CUX2: variants seen among roughly 807,000 people sequenced by gnomAD.
The protein encoded by CUX2 is homeobox protein cut-like 2.
Under a neutral mutation model 144.8 loss-of-function variants are expected in CUX2, and 40 were observed. The ratio of observed to expected loss-of-function variants is 0.28; its 90% CI spans 0.21 to 0.36. The LOEUF (loss-of-function observed/expected upper bound fraction) is 0.36. CUX2 is among the 10% of genes least tolerant of loss of function. The pLI is 1.00. For missense variants in CUX2, 1,615 were observed against 1,994.0 expected (o/e 0.81, Z 3.62); for synonymous variants, 827 against 875.6 (o/e 0.94, Z 0.98).
chr12:111,306,775 CTT>C, intron 10 of CUX2, 144 bp from the exon 11 acceptor site: 1 of 635,838 alleles, frequency 1.6e-6, no homozygotes, highest in Non-Finnish European at 2.8e-6. Flanking sequence ...GTATACAACA[CTT>C]TGAATTTTTC....
rs55875771 is a variant in CUX2, at chr12:111,232,439, A to G, written c.222+14502A>G. On this transcript the variant is annotated intron_variant, in intron 3 of 21. Transcript: ENST00000261726. ...AGATTGCTTGAGCCCAGGAGTTTGA[A>G]GCTACAGTGAGCTGTGACAACCACT... 7.1e-3 allele frequency among the ~76,000 whole-genome samples: 1,085 copies of G among 152,300 alleles called. 7 individuals carry two copies. Among genetic ancestry groups the G allele is most frequent in the Non-Finnish European group, 0.012 (804 of 68,006 alleles).
chr12:111,263,185 G>A lies in CUX2; in HGVS notation c.223-576G>A, dbSNP rs1884214853. Among the ~76,000 whole-genome samples the A allele has an allele frequency of 6.6e-6, 1 of 152,156 alleles. No homozygotes were observed. Among genetic ancestry groups the A allele is most frequent in the Admixed American group, 6.6e-5 (1 of 15,266 alleles). Reference sequence around the variant, plus strand: ...TCCCATGTTTGCACAAGTAGAAAATGACTAAGGCCAGGTGCGGTGGTGGCC... The same window carrying A: ...TCCCATGTTTGCACAAGTAGAAAATAACTAAGGCCAGGTGCGGTGGTGGCC... On this transcript the variant is annotated intron_variant, in intron 3 of 21. Coordinates refer to ENST00000261726, the MANE Select transcript of CUX2 (RefSeq NM_015267.4). This position sits in a 1 kb window ranked among gnomAD's most constrained non-coding sequence, Gnocchi z 4.0.
At chr12:111,278,550 C>G (rs1884983206) in intron 4 of CUX2, among the ~76,000 whole-genome samples, 2 of 152,176 alleles carry the variant, frequency 1.3e-5, no homozygotes, top group African/African-American at 4.8e-5. Flanking sequence ...CCCTCTCACC[C>G]AGAGCTCTAA....
chr12:111,298,732 C>T, intron 9 of CUX2, 143 bp downstream of exon 9: 1 of 954,212 alleles, frequency 1.0e-6, no homozygotes, highest in Non-Finnish European at 1.6e-6. Flanking sequence ...GTGAGGGAGC[C>T]AGGAGGAGTC....
At chr12:111,209,392 TA>T (rs1289533257) in intron 1 of CUX2, among the ~76,000 whole-genome samples, 1 of 151,846 alleles carries the variant, frequency 6.6e-6, no homozygotes, top group East Asian at 1.9e-4. Flanking sequence ...AGACCCTATC[TA>T]AAAAAAAATT....
chr12:111,199,080 G>A (rs1880413210), intron 1 of CUX2, among the ~76,000 whole-genome samples: 1 of 152,152 alleles, frequency 6.6e-6, no homozygotes, highest in South Asian at 2.1e-4. Context: ...AAGGGAGGAG[G>A]CCTCGGAAAT....
At chr12:111,281,906 G>A (rs1885130066) in intron 4 of CUX2, among the ~76,000 whole-genome samples, 1 of 152,176 alleles carries the variant, frequency 6.6e-6, no homozygotes, top group South Asian at 2.1e-4. Flanking sequence ...AGAAAGAAGG[G>A]AAGGAGGAGG....
chr12:111,095,294 A>G (rs1286674606), intron 1 of CUX2, among the ~76,000 whole-genome samples: 1 of 152,104 alleles, frequency 6.6e-6, no homozygotes, highest in Admixed American at 6.6e-5. Context: ...CCCCATCTCT[A>G]CAAAAAATAC....
At chr12:111,114,996 T>C (rs903522881) in intron 1 of CUX2, among the ~76,000 whole-genome samples, 1 of 152,244 alleles carries the variant, frequency 6.6e-6, no homozygotes, top group Non-Finnish European at 1.5e-5. Context: ...ATCTATTTCT[T>C]GGCATTTTAT....
intron 1 of CUX2, among the ~76,000 whole-genome samples, chr12:111,079,821 G>A (rs1871768445): frequency 6.6e-6 from 1 of 152,150 alleles, no homozygotes; most frequent in Non-Finnish European, 1.5e-5. Context: ...GTGTGGGTTT[G>A]GGACTGGGTG....
At chr12:111,111,819 G>A (rs1382952366) in intron 1 of CUX2, among the ~76,000 whole-genome samples, 3 of 151,970 alleles carry the variant, frequency 2.0e-5, no homozygotes, top group Admixed American at 1.3e-4. Context: ...TCTTGCTAAC[G>A]GCAGCAAGTC....
intron 1 of CUX2, among the ~76,000 whole-genome samples, chr12:111,195,259 G>A (rs971194460): frequency 2.6e-5 from 4 of 151,630 alleles, no homozygotes; most frequent in African/African-American, 4.9e-5. Flanking sequence ...CTGTTCCATC[G>A]CTTAAAAATG....
intron 1 of CUX2, among the ~76,000 whole-genome samples, chr12:111,041,271 C>G (rs901203032): frequency 3.3e-5 from 5 of 152,236 alleles, no homozygotes; most frequent in African/African-American, 9.7e-5. Context: ...GTGGGGCACA[C>G]AGTTGCTGCC....
At chr12:111,152,146 T>C (rs572918916) in intron 1 of CUX2, among the ~76,000 whole-genome samples, 39 of 152,112 alleles carry the variant, frequency 2.6e-4, no homozygotes, top group African/African-American at 8.9e-4. Flanking sequence ...TAGCTGGGCA[T>C]GGTAGCACAT....
rs149170153 is a variant in CUX2, at chr12:111,146,211, T to C, written c.64-67989T>C. The stretch of plus-strand genomic sequence containing the variant: ...CTCATTATCACCCAGAGTCCACAGT[T>C]GACATTAGGCTTCACTGTTGGTGGT... On this transcript the variant is annotated intron_variant, in intron 1 of 21. Transcript: ENST00000261726. 4.4e-3 allele frequency among the ~76,000 whole-genome samples: 674 copies of C among 152,324 alleles called. 7 individuals carry two copies. Among genetic ancestry groups the C allele is most frequent in the African/African-American group, 0.015 (630 of 41,566 alleles).
At chr12:111,262,944 C>T (rs1164253368) in intron 3 of CUX2, among the ~76,000 whole-genome samples, 2 of 152,190 alleles carry the variant, frequency 1.3e-5, no homozygotes, top group Non-Finnish European at 2.9e-5. Flanking sequence ...TGTGCCGGGC[C>T]CTGTGCTTAG....
intron 1 of CUX2, among the ~76,000 whole-genome samples, chr12:111,149,882 G>A (rs1566255271): frequency 6.6e-6 from 1 of 152,154 alleles, no homozygotes; most frequent in Non-Finnish European, 1.5e-5. Flanking sequence ...TTTTCATTTG[G>A]AAATTGGTTT....
intron 1 of CUX2, among the ~76,000 whole-genome samples, chr12:111,064,168 G>A (rs1030723592): frequency 3.9e-5 from 6 of 152,180 alleles, no homozygotes; most frequent in African/African-American, 1.4e-4. Flanking sequence ...TTCCAAGCTT[G>A]TAGAGACAAA....
rs915149684 is a variant in CUX2 at position 111,306,808 on chromosome 12, C to T, written c.859-113C>T. ...TTTTCAACACAAGCACACCCCATAC[C>T]ATCATCCAGATCAACAAATTTGCAT... On this transcript the variant is annotated intron_variant, in intron 10 of 21. Coordinates refer to ENST00000261726, the MANE Select transcript of CUX2 (RefSeq NM_015267.4). 18 of 812,824 alleles carry T rather than the reference C, an allele frequency of 2.2e-5. No homozygotes were observed. The African/African-American group carries it at 2.6e-4, about 12-fold the overall frequency. 50.4% of individuals were successfully genotyped at this position (812,824 alleles called of 1,614,324 possible). A position where few individuals can be genotyped will look rare whatever the true frequency, so the allele number is the denominator to read the frequency against.
Sources: gnomAD v4.1 joint callset for allele counts (sites outside exome capture counted in the v4.1 genomes callset) on GRCh38, gnomAD v4.1.1 for gene constraint, Gnocchi (gnomAD v3.1) non-coding constraint, MANE v1.5 for transcripts, NCBI Gene and HGNC (gene_info 2026-07-23, HGNC 2026-07-21) for gene names.